The following SCIN variants were observed in gnomAD, a reference collection of about 807,000 sequenced individuals.
SCIN encodes the protein scinderin.
Under a neutral mutation model 91.8 loss-of-function variants are expected in SCIN, and 91 were observed. That is an observed-to-expected ratio of 0.99 (90% CI 0.84 to 1.18). SCIN has a LOEUF of 1.18. Ranked by LOEUF, SCIN falls within the 50% of genes most tolerant of loss-of-function variation. The probability of loss-of-function intolerance (pLI) is 0.00; values close to 1 mark genes in which losing one functional copy is unlikely to be tolerated. For missense variants in SCIN, 1,087 were observed against 863.9 expected (o/e 1.26, Z -3.24); for synonymous variants, 367 against 312.6 (o/e 1.17, Z -1.84).
intron 5 of SCIN, among the ~76,000 whole-genome samples, chr7:12,623,114 T>G (rs1461337312): frequency 6.6e-6 from 1 of 152,196 alleles, no homozygotes; most frequent in Middle Eastern, 3.2e-3. Flanking sequence ...GTGAACTTAT[T>G]GCTGTGACTT....
chr7:12,592,968 A>G (rs1782758209), intron 3 of SCIN, among the ~76,000 whole-genome samples: 1 of 152,224 alleles, frequency 6.6e-6, no homozygotes, highest in Non-Finnish European at 1.5e-5. Flanking sequence ...ATCAGTCTTC[A>G]GTGGCTAGGC....
Position 12,644,169 on chromosome 7 carries a change from A to G in SCIN, c.1613A>G (p.Asn538Ser). 1 of 1,613,088 alleles carries G rather than the reference A, an allele frequency of 6.2e-7. No individual in the cohort carries two copies. Among genetic ancestry groups the G allele is most frequent in the South Asian group, 1.1e-5 (1 of 90,892 alleles). The stretch of plus-strand genomic sequence containing the variant: ...GTTGATGCAAATTCACTGAATTCTA[A>G]CGATGTTTTTGTCCTGAAACTGCCA... ...VDVDANSLNS[N>S]DVFVLKLPQN... The change falls in exon 12 of 16, where the codon AAC becomes AGC. Residue 538 changes from asparagine to serine, a missense_variant. By Grantham distance (46) the Asn-to-Ser change is conservative (BLOSUM62 1). Transcript: ENST00000297029.
rs536128732 is a variant in SCIN, at chr7:12,595,226, C to T, written c.517-9288C>T. ...AGGCAGCGCTGAGCTTACAGAATGA[C>T]GGGTTTATATGGGGCAGAGAGACCC... On this transcript the variant is annotated intron_variant, in intron 3 of 15. Coordinates refer to ENST00000297029, the MANE Select transcript of SCIN (RefSeq NM_001112706.3). 3.4e-4 allele frequency among the ~76,000 whole-genome samples: 51 copies of T among 152,210 alleles called. 1 individual carries two copies. The highest frequency in any genetic ancestry group is 2.1e-4 in the South Asian group (1 of 4,828).
chr7:12,630,109 T>C (rs1437954583), intron 9 of SCIN, among the ~76,000 whole-genome samples: 4 of 152,034 alleles, frequency 2.6e-5, no homozygotes, highest in South Asian at 4.2e-4. Context: ...CCTCTGCTGA[T>C]ATGGTGACAT....
intron 1 of SCIN, among the ~76,000 whole-genome samples, chr7:12,572,781 C>G (rs1277818551): frequency 6.6e-6 from 1 of 152,256 alleles, no homozygotes; most frequent in Non-Finnish European, 1.5e-5. Flanking sequence ...CATGCTAAAA[C>G]TGAAGTCAAT....
Position 12,660,062 on chromosome 7 carries a change from C to G in SCIN, c.*7347C>G, listed in dbSNP as rs1181053754. 1 of 152,308 alleles carries G rather than the reference C, an allele frequency of 6.6e-6. No individual in the cohort carries two copies. Among genetic ancestry groups the G allele is most frequent in the Non-Finnish European group, 1.5e-5 (1 of 68,142 alleles). 9.4% of individuals were successfully genotyped at this position (152,308 alleles called of 1,614,324 possible). On this transcript the variant is annotated 3_prime_UTR_variant, in exon 16 of 16. Coordinates refer to ENST00000297029, the MANE Select transcript of SCIN (RefSeq NM_001112706.3). The stretch of plus-strand genomic sequence containing the variant: ...TGCCAGCAAAACATTGCTCCTGACT[C>G]CACCGCCTATCCCAAAACCTATAAG...
rs1411103692 is a variant in SCIN at position 12,570,882 on chromosome 7, G to A, written c.96G>A (p.Val32=). The A allele has an allele frequency of 1.3e-6, 2 of 1,551,570 alleles. No homozygotes were observed. The highest frequency in any genetic ancestry group is 1.7e-6 in the Non-Finnish European group (2 of 1,146,970). ...TTGAGAAGCTGGAGCTGGTGCCCGTGCCCCAGAGCGCTCACGGCGACTTCT... is the reference window on the plus strand; with the variant it reads ...TTGAGAAGCTGGAGCTGGTGCCCGTACCCCAGAGCGCTCACGGCGACTTCT... ...WRIEKLELVP[V]PQSAHGDFYV... The change falls in exon 1 of 16, where the codon GTG becomes GTA. Residue 32 remains valine (V), a synonymous_variant. Transcript: ENST00000297029.
At chr7:12,585,626 C>T (rs1782571691) in intron 3 of SCIN, among the ~76,000 whole-genome samples, 1 of 152,154 alleles carries the variant, frequency 6.6e-6, no homozygotes, top group South Asian at 2.1e-4. Context: ...TTAATGGAGC[C>T]ACCACTCACT....
chr7:12,622,936 A>G (rs771043555), intron 5 of SCIN, 43 bp downstream of exon 5: 1 of 1,448,844 alleles, frequency 6.9e-7, no homozygotes, highest in Non-Finnish European at 9.6e-7. Flanking sequence ...ACAGTACTGG[A>G]TGTAGCTAGG....
rs1784224270 is a variant in SCIN at position 12,659,467 on chromosome 7, A to G, written c.*6752A>G. The G allele has an allele frequency of 1.3e-5, 2 of 152,220 alleles. No individual in the cohort carries two copies. The highest frequency in any genetic ancestry group is 2.9e-5 in the Non-Finnish European group (2 of 68,038). The allele number at this position is 152,220 out of a possible 1,614,324, so 9.4% of individuals were successfully genotyped here. On this transcript the variant is annotated 3_prime_UTR_variant, in exon 16 of 16. Coordinates refer to ENST00000297029, the MANE Select transcript of SCIN (RefSeq NM_001112706.3). Reference sequence around the variant, plus strand: ...CTGGTGATGCCTGAAGTTGGGATAAAGAGTCTTCCAAACATGTGCCATTTT... The same window carrying G: ...CTGGTGATGCCTGAAGTTGGGATAAGGAGTCTTCCAAACATGTGCCATTTT...
At chr7:12,587,085 G>A (rs775969363) in intron 3 of SCIN, among the ~76,000 whole-genome samples, 13 of 152,120 alleles carry the variant, frequency 8.5e-5, no homozygotes, top group African/African-American at 2.4e-4. Flanking sequence ...AAAGGATTTC[G>A]AGTGTTCCCA....
chr7:12,634,080 G>A (rs138866608), intron 9 of SCIN, among the ~76,000 whole-genome samples: 3,467 of 152,070 alleles, frequency 0.023, 54 homozygotes, highest in Non-Finnish European at 0.036. Flanking sequence ...TGTTTTGGGC[G>A]GAGGGGGGTG....
At chr7:12,603,219 A>G (rs758433358) in intron 3 of SCIN, among the ~76,000 whole-genome samples, 3 of 151,734 alleles carry the variant, frequency 2.0e-5, no homozygotes, top group African/African-American at 7.3e-5. Flanking sequence ...ATCTCCGCTC[A>G]CTGCAAGCTT....
intron 5 of SCIN, 109 bp downstream of exon 5, chr7:12,623,002 T>C (rs1783441692): frequency 1.6e-6 from 1 of 632,598 alleles, no homozygotes; most frequent in Non-Finnish European, 2.7e-6. Context: ...TCCTCATTGC[T>C]CTCCAAGAGC....
intron 11 of SCIN, among the ~76,000 whole-genome samples, chr7:12,642,455 C>T (rs1175252001): frequency 1.3e-5 from 2 of 151,926 alleles, no homozygotes; most frequent in Non-Finnish European, 2.9e-5. Context: ...TGACCATGAC[C>T]TTCTCCAGCT....
intron 3 of SCIN, among the ~76,000 whole-genome samples, chr7:12,582,905 A>G (rs1363670112): frequency 6.6e-6 from 1 of 152,172 alleles, no homozygotes; most frequent in Non-Finnish European, 1.5e-5. Flanking sequence ...CTTGTACTCT[A>G]AAGCCCTTTA....
chr7:12,640,459 C>G lies in SCIN; in HGVS notation c.1523C>G (p.Pro508Arg), dbSNP rs191632569. Reference sequence around the variant, plus strand: ...AAGAAAGGAGGTCAGGCACCTGCTCCCCCTACACGCCTCTTTCAAGTCCGG... The same window carrying G: ...AAGAAAGGAGGTCAGGCACCTGCTCGCCCTACACGCCTCTTTCAAGTCCGG... Reference protein sequence around the residue: ...TSKKGGQAPAPPTRLFQVRRN... With the variant: ...TSKKGGQAPARPTRLFQVRRN... Residue 508 changes from proline (P) to arginine (R), a missense_variant, in exon 11 of 16, where the codon CCC (proline) becomes CGC (arginine). Coordinates refer to ENST00000297029, the MANE Select transcript of SCIN (RefSeq NM_001112706.3). The G allele has an allele frequency of 6.2e-7, 1 of 1,612,960 alleles. No homozygotes were observed. Among genetic ancestry groups the G allele is most frequent in the African/African-American group, 1.3e-5 (1 of 74,796 alleles).
chr7:12,625,283 C>A, intron 6 of SCIN, 141 bp downstream of exon 6: 1 of 733,492 alleles, frequency 1.4e-6, no homozygotes, highest in Non-Finnish European at 2.1e-6. Flanking sequence ...ACATAAAATG[C>A]AGCCATTTTC....
chr7:12,645,047 C>T (rs1428507844), intron 13 of SCIN, among the ~76,000 whole-genome samples: 2 of 143,808 alleles, frequency 1.4e-5, no homozygotes, highest in African/African-American at 2.6e-5. Flanking sequence ...GGGCCGGGCG[C>T]GGTGGCTCAT....
Sources: allele counts gnomAD v4.1 joint callset (sites outside exome capture counted in the v4.1 genomes callset), GRCh38; gene constraint gnomAD v4.1.1; transcripts MANE v1.5; gene names NCBI Gene and HGNC (gene_info 2026-07-23, HGNC 2026-07-21).